The following DCDC2 variants were observed in gnomAD, a reference collection of about 807,000 sequenced individuals.
DCDC2 encodes the protein doublecortin domain-containing protein 2.
DCDC2 carries 40 observed loss-of-function variants against 50.2 expected under a neutral mutation model. The observed-to-expected ratio is 0.80, with a 90% CI of 0.62 to 1.04. DCDC2 has a LOEUF of 1.04. DCDC2 is among the 50% of genes least tolerant of loss of function. The pLI is 0.00. For missense variants in DCDC2, 570 were observed against 581.9 expected (o/e 0.98, Z 0.21); for synonymous variants, 234 against 210.6 (o/e 1.11, Z -0.96).
At chr6:24,232,596 T>A (rs969898947) in intron 7 of DCDC2, among the ~76,000 whole-genome samples, 5 of 152,246 alleles carry the variant, frequency 3.3e-5, no homozygotes, top group Non-Finnish European at 5.9e-5. Flanking sequence ...GCCCAAGGCA[T>A]GACTAGACCC....
chr6:24,232,028 CAT>C (rs755518537), intron 7 of DCDC2, among the ~76,000 whole-genome samples: 4,590 of 132,982 alleles, frequency 0.035, 122 homozygotes, highest in African/African-American at 0.081. Flanking sequence ...CACACACACA[CAT>C]ACACACATAC....
chr6:24,334,188 A>T (rs967615594), intron 2 of DCDC2, among the ~76,000 whole-genome samples: 4 of 152,218 alleles, frequency 2.6e-5, no homozygotes, highest in African/African-American at 9.6e-5. Flanking sequence ...ACAAAGTATC[A>T]TTCTCTTCTG....
chr6:24,372,779 G>C, the DCDC2 span, among the ~76,000 whole-genome samples: 511 of 152,194 alleles, frequency 3.4e-3, 3 homozygotes, highest in African/African-American at 0.011. Flanking sequence ...GGTGGGGAGA[G>C]GGGGGAGGGA....
intron 1 of DCDC2, among the ~76,000 whole-genome samples, chr6:24,355,557 T>C (rs377497372): frequency 1.7e-3 from 254 of 152,318 alleles, no homozygotes; most frequent in African/African-American, 5.5e-3. Context: ...TTATGCACCT[T>C]TTCTGTATTA....
chr6:24,258,506 C>T (rs188344947), intron 7 of DCDC2, among the ~76,000 whole-genome samples: 18 of 152,232 alleles, frequency 1.2e-4, no homozygotes, highest in African/African-American at 4.1e-4. Flanking sequence ...CTGATTGGTG[C>T]ATTTTGCAAT....
chr6:24,179,153 C>A (rs979594325), intron 8 of DCDC2, among the ~76,000 whole-genome samples: 1 of 152,102 alleles, frequency 6.6e-6, no homozygotes, highest in Non-Finnish European at 1.5e-5. Flanking sequence ...AGACAGCTTT[C>A]CCCACAATGC....
chr6:24,315,434 T>G (rs543427500), intron 2 of DCDC2, among the ~76,000 whole-genome samples: 3 of 152,286 alleles, frequency 2.0e-5, no homozygotes, highest in African/African-American at 7.2e-5. Context: ...AGAAGCTGTC[T>G]ACAGTAAATC....
chr6:24,247,790 C>A (rs1287614276), intron 7 of DCDC2, among the ~76,000 whole-genome samples: 1 of 152,160 alleles, frequency 6.6e-6, no homozygotes, highest in African/African-American at 2.4e-5. Flanking sequence ...TAAAAATGTT[C>A]TTGGCCATGT....
At chr6:24,191,423 A>G (rs1222786771) in intron 8 of DCDC2, among the ~76,000 whole-genome samples, 5 of 152,190 alleles carry the variant, frequency 3.3e-5, no homozygotes, top group Non-Finnish European at 4.4e-5. Flanking sequence ...AAATCACATT[A>G]TATTATGTAT....
chr6:24,303,058 C>T (rs1372672695), intron 2 of DCDC2, among the ~76,000 whole-genome samples: 1 of 151,808 alleles, frequency 6.6e-6, no homozygotes, highest in Non-Finnish European at 1.5e-5. Flanking sequence ...AAGCTAACCC[C>T]ACATCTTGAT....
At chr6:24,254,418 C>T (rs1446878945) in intron 7 of DCDC2, among the ~76,000 whole-genome samples, 1 of 152,052 alleles carries the variant, frequency 6.6e-6, no homozygotes, top group Non-Finnish European at 1.5e-5. Context: ...TTTATACAAT[C>T]ACCACAAACA....
At chr6:24,193,389 G>A (rs1761352403) in intron 8 of DCDC2, among the ~76,000 whole-genome samples, 1 of 152,114 alleles carries the variant, frequency 6.6e-6, no homozygotes, top group Non-Finnish European at 1.5e-5. Flanking sequence ...CTGAAAAGCA[G>A]ATCTAGAGAA....
At position 24,280,821 on chromosome 6, in the gene DCDC2, G is replaced by A. The variant is rs1763453780; in HGVS notation, c.760-2610C>T. ...TCCCAAAGTGCTGGGATTTACATGT[G>A]TGAGCCACTGCACATGGTCGATTTT... On this transcript the variant is annotated intron_variant, in intron 6 of 9. Coordinates refer to ENST00000378454, the MANE Select transcript of DCDC2 (RefSeq NM_016356.5). Among the ~76,000 whole-genome samples the A allele has an allele frequency of 2.0e-5, 3 of 152,102 alleles. No individual in the cohort carries two copies. In the South Asian group the frequency reaches 6.2e-4, roughly 32 times the overall value.
chr6:24,225,369 C>T (rs184351045), intron 7 of DCDC2, among the ~76,000 whole-genome samples: 31 of 152,312 alleles, frequency 2.0e-4, no homozygotes, highest in Admixed American at 2.6e-4. Flanking sequence ...CAAATAAACA[C>T]ATCTTCTCCT....
At chr6:24,201,242 C>CTT (rs1281753512) in intron 8 of DCDC2, among the ~76,000 whole-genome samples, 1 of 152,162 alleles carries the variant, frequency 6.6e-6, no homozygotes, top group Admixed American at 6.5e-5. Flanking sequence ...AAATTGACCA[C>CTT]TTAATTGGAA....
chr6:24,357,369 G>A (rs571070365), intron 1 of DCDC2, 89 bp downstream of exon 1: 87 of 1,422,676 alleles, frequency 6.1e-5, no homozygotes, highest in Non-Finnish European at 7.8e-5. Flanking sequence ...AACCACTGAG[G>A]TGTGGGGGGG....
rs1759426958 is a variant in DCDC2 at position 24,304,025 on chromosome 6, T to C, written c.349-1981A>G. On this transcript the variant is annotated intron_variant, in intron 2 of 9. Coordinates refer to ENST00000378454, the MANE Select transcript of DCDC2 (RefSeq NM_016356.5). Reference sequence around the variant, plus strand: ...ACTCTCAAGTGCCTAAAACAGTGCTTGGCAATGCCTACGAGTTGCACAATA... The same window carrying C: ...ACTCTCAAGTGCCTAAAACAGTGCTCGGCAATGCCTACGAGTTGCACAATA... 1.3e-5 allele frequency among the ~76,000 whole-genome samples: 2 copies of C among 152,248 alleles called. 1 individual carries two copies. The highest frequency in any genetic ancestry group is 4.1e-4 in the South Asian group (2 of 4,836).
At chr6:24,246,273 G>A (rs1307609554) in intron 7 of DCDC2, among the ~76,000 whole-genome samples, 5 of 152,010 alleles carry the variant, frequency 3.3e-5, no homozygotes. Flanking sequence ...ATCATGAAAT[G>A]ATATACTATG....
At chr6:24,291,720 C>T (rs926399990) in intron 4 of DCDC2, among the ~76,000 whole-genome samples, 2 of 151,848 alleles carry the variant, frequency 1.3e-5, no homozygotes, top group Non-Finnish European at 2.9e-5. Context: ...CTCCTGACCT[C>T]GTGATCCGCC....
Sources: allele counts gnomAD v4.1 joint callset (sites outside exome capture counted in the v4.1 genomes callset), GRCh38; gene constraint gnomAD v4.1.1; transcripts MANE v1.5; gene names NCBI Gene and HGNC (gene_info 2026-07-23, HGNC 2026-07-21).